The following ZP1 variants were observed in gnomAD, a reference collection of about 807,000 sequenced individuals.
ZP1 encodes zona pellucida glycoprotein 1, also known as zona pellucida sperm-binding protein 1.
Under a neutral mutation model 67.4 loss-of-function variants are expected in ZP1, and 58 were observed. That is an observed-to-expected ratio of 0.86 (90% CI 0.70 to 1.07). The LOEUF is 1.07. Among genes scored for constraint, ZP1 ranks in the 50% least tolerant of loss-of-function variants. The probability of loss-of-function intolerance (pLI) is 0.00; values close to 1 mark genes in which losing one functional copy is unlikely to be tolerated. For synonymous variants in ZP1, 333 were observed against 332.7 expected, an observed-to-expected ratio of 1.00 and a Z score of -0.01; for missense variants, 759 against 807.3, an observed-to-expected ratio of 0.94 and a Z score of 0.72.
At chr11:60,870,763 T>C (rs1855551237) in intron 4 of ZP1, 194 bp from the exon 5 acceptor site, 1 of 718,352 alleles carries the variant, frequency 1.4e-6, no homozygotes, top group South Asian at 1.9e-5. Context: ...ACTTTTAGAG[T>C]GTAGTTCAAC....
chr11:60,870,711 C>A (rs2134828817), intron 4 of ZP1: 1 of 665,654 alleles, frequency 1.5e-6, no homozygotes, highest in Non-Finnish European at 2.5e-6. Flanking sequence ...ACTTTCAGAT[C>A]TGAAACGCCC....
chr11:60,871,392 G>C, intron 6 of ZP1, 78 bp downstream of exon 6: 1 of 1,488,430 alleles, frequency 6.7e-7, no homozygotes, highest in Non-Finnish European at 9.2e-7. Flanking sequence ...TACAGGCTTC[G>C]GAGCCATCTC....
At chr11:60,869,990 A>G (rs1590591467) in intron 3 of ZP1, 90 bp downstream of exon 3, 1 of 1,415,494 alleles carries the variant, frequency 7.1e-7, no homozygotes, top group Admixed American at 2.7e-5. Flanking sequence ...GCTCTAAGCC[A>G]TTTCTTTTTT....
At chr11:60,870,843 G>A (rs1855552754) in intron 4 of ZP1, 114 bp from the exon 5 acceptor site, 2 of 1,193,450 alleles carry the variant, frequency 1.7e-6, no homozygotes, top group South Asian at 1.5e-5. Flanking sequence ...CCTAAGTGGA[G>A]AGTAAGCGTC....
Position 60,870,394 on chromosome 11 carries a change from A to G in ZP1, c.745A>G (p.Arg249Gly), listed in dbSNP as rs780113325. The G allele has an allele frequency of 6.2e-7, 1 of 1,613,412 alleles. No homozygotes were observed. The highest frequency in any genetic ancestry group is 1.7e-5 in the Admixed American group (1 of 59,970). ...ASGHLPCIVR[R>G]TSKEACQQAG... ...AGGGCACCTCCCCTGCATCGTGAGA[A>G]GAACTTCAAAAGAAGCCTGTCAGCA... The change falls in exon 4 of 12, where the codon AGA (arginine) becomes GGA (glycine). Residue 249 changes from arginine to glycine, a missense_variant. Physicochemically the swap from Arg to Gly is moderately radical, Grantham distance 125. Transcript: ENST00000278853.
In ZP1 at chr11:60,867,704, T is replaced by C. The variant is rs759160255; in HGVS notation, c.143T>C (p.Met48Thr). 16 of 1,613,912 alleles carry C rather than the reference T, an allele frequency of 9.9e-6. No homozygotes were observed. The Admixed American group carries it at 1.8e-4, about 19-fold the overall frequency. ...RHSYDCGIKG[M>T]QLLVFPRPGQ... Reference sequence around the variant, plus strand: ...AGCTACGACTGTGGGATCAAGGGAATGCAGCTGCTGGTGTTCCCCAGGCCA... The same window carrying C: ...AGCTACGACTGTGGGATCAAGGGAACGCAGCTGCTGGTGTTCCCCAGGCCA... The change falls in exon 1 of 12, where the codon ATG becomes ACG. Residue 48 changes from methionine (M) to threonine (T), a missense_variant. By Grantham distance (81) the Met-to-Thr change is moderately conservative (BLOSUM62 -1). Coordinates refer to ENST00000278853, the MANE Select transcript of ZP1 (RefSeq NM_207341.4).
intron 6 of ZP1, among the ~76,000 whole-genome samples, chr11:60,872,878 C>T (rs947950002): frequency 6.6e-6 from 1 of 151,974 alleles, no homozygotes; most frequent in African/African-American, 2.4e-5. Context: ...AAGGTGCCAG[C>T]CCCCCGAGGG....
intron 9 of ZP1, 59 bp downstream of exon 9, chr11:60,873,834 G>A (rs904969109): frequency 1.2e-5 from 20 of 1,600,406 alleles, no homozygotes; most frequent in African/African-American, 2.7e-5. Context: ...GGAGCTGGTC[G>A]CCAAATCCCT....
chr11:60,867,777 T>C lies in ZP1; in HGVS notation c.196+20T>C, dbSNP rs527373870. 6 of 1,606,480 alleles carry C rather than the reference T, an allele frequency of 3.7e-6. No homozygotes were observed. In the East Asian group the frequency reaches 1.3e-4, roughly 36 times the overall value. On this transcript the variant is annotated intron_variant, in intron 1 of 11. Coordinates refer to ENST00000278853, the MANE Select transcript of ZP1 (RefSeq NM_207341.4). ...TGGTGGGTGAGTGCTGGCAGAGTCC[T>C]GGCCCCTGCCTCCCTGGCCACGGGC... is the stretch of plus-strand genomic sequence containing the variant.
At chr11:60,869,433 C>T (rs1855524644) in intron 2 of ZP1, 104 bp from the exon 3 acceptor site, 8 of 1,505,846 alleles carry the variant, frequency 5.3e-6, no homozygotes, top group Non-Finnish European at 7.1e-6. Flanking sequence ...ACCATGAATC[C>T]AGCTCCCTGC....
At chr11:60,871,361 CAG>C (rs765433489) in intron 6 of ZP1, 47 bp downstream of exon 6, 2 of 1,594,212 alleles carry the variant, frequency 1.3e-6, no homozygotes, top group Admixed American at 1.7e-5. Flanking sequence ...GCTAGGGTGT[CAG>C]GGGCACAGGC....
Position 60,873,649 on chromosome 11 carries a change from C to T in ZP1, c.1446C>T (p.Gly482=), listed in dbSNP as rs748563292. The change falls in exon 9 of 12, where the codon GGC becomes GGT. Residue 482 remains glycine, a synonymous_variant. Coordinates refer to ENST00000278853, the MANE Select transcript of ZP1 (RefSeq NM_207341.4). ...CTCTTCTCAGATGCCCTTTCAAGGG[C>T]GACAGCTACAGAACCCAAATGGTAG... ...PILSDGCPFK[G]DSYRTQMVAL... is the part of the protein sequence containing the mutation. 13 of 1,614,046 alleles carry T rather than the reference C, an allele frequency of 8.1e-6. No individual in the cohort carries two copies. The highest frequency in any genetic ancestry group is 7.7e-5 in the South Asian group (7 of 91,090).
rs1314586775 is a variant in ZP1 at position 60,873,369 on chromosome 11, C to G, written c.1241-6C>G. The G allele has an allele frequency of 2.5e-6, 4 of 1,598,980 alleles. No individual in the cohort carries two copies. In the African/African-American group the frequency reaches 4.0e-5, roughly 16 times the overall value. ...CGCCCTGGCTCATGAGTCACTCTCC[C>G]TGCAGACGAGACCTTCAGCTCGTAC... On this transcript the variant is annotated splice_region_variant and splice_polypyrimidine_tract_variant and intron_variant, in intron 7 of 11. Coordinates refer to ENST00000278853, the MANE Select transcript of ZP1 (RefSeq NM_207341.4).
intron 6 of ZP1, among the ~76,000 whole-genome samples, chr11:60,871,751 G>A (rs1377829949): frequency 1.3e-5 from 2 of 152,222 alleles, no homozygotes; most frequent in Non-Finnish European, 2.9e-5. Context: ...ACCTCTCTGA[G>A]GATGTGGTGG....
At chr11:60,873,011 G>A (rs1855610982) in intron 6 of ZP1, 151 bp from the exon 7 acceptor site, 7 of 874,380 alleles carry the variant, frequency 8.0e-6, no homozygotes, top group Non-Finnish European at 8.5e-6. Context: ...GCCTGCCTTG[G>A]AAATGCTGAG....
chr11:60,867,649 C>A lies in ZP1; in HGVS notation c.88C>A (p.Pro30Thr). The A allele has an allele frequency of 6.2e-7, 1 of 1,613,938 alleles. No individual in the cohort carries two copies. Among genetic ancestry groups the A allele is most frequent in the Non-Finnish European group, 8.5e-7 (1 of 1,179,912 alleles). The part of the protein sequence containing the change: ...ATLGLGRWLQ[P>T]DPGLPGLRHS... ...CCTGGGGCTGGGTAGGTGGCTCCAGCCCGACCCTGGCCTCCCAGGCCTCCG... is the reference window on the plus strand; with the variant it reads ...CCTGGGGCTGGGTAGGTGGCTCCAGACCGACCCTGGCCTCCCAGGCCTCCG... Residue 30 changes from proline to threonine, a missense_variant, in exon 1 of 12, where the codon CCC becomes ACC. Transcript: ENST00000278853.
Position 60,871,331 on chromosome 11 carries a change from T to A in ZP1, c.1112+17T>A. ...CACCTTCCAGTAAGGGCAGCCCTCC[T>A]CCTACAGGCGTGGCTGTGTGCTAGG... On this transcript the variant is annotated intron_variant, in intron 6 of 11. Transcript: ENST00000278853. 2 of 1,612,502 alleles carry A rather than the reference T, an allele frequency of 1.2e-6. No homozygotes were observed. The highest frequency in any genetic ancestry group is 1.7e-6 in the Non-Finnish European group (2 of 1,179,712).
chr11:60,870,214 G>A (rs1855539936), intron 3 of ZP1, 118 bp from the exon 4 acceptor site: 1 of 1,049,348 alleles, frequency 9.5e-7, no homozygotes, highest in Non-Finnish European at 1.3e-6. Flanking sequence ...TTTTGAGGGA[G>A]GACATTTACT....
chr11:60,869,617 G>A lies in ZP1; in HGVS notation c.399G>A (p.Leu133=). Residue 133 remains leucine, a synonymous_variant, in exon 3 of 12, where the codon CTG becomes CTA. Transcript: ENST00000278853. ...TGGATGTGGCACAAGACGCTACTCTGATCTGTCCCAAACCTGACCCCTCCC... is the reference window on the plus strand; with the variant it reads ...TGGATGTGGCACAAGACGCTACTCTAATCTGTCCCAAACCTGACCCCTCCC... ...GRVDVAQDAT[L]ICPKPDPSRT... 1 of 1,614,126 alleles carries A rather than the reference G, an allele frequency of 6.2e-7. No homozygotes were observed.
Sources: gnomAD v4.1 joint callset for allele counts (sites outside exome capture counted in the v4.1 genomes callset) on GRCh38, gnomAD v4.1.1 for gene constraint, MANE v1.5 for transcripts, NCBI Gene and HGNC (gene_info 2026-07-23, HGNC 2026-07-21) for gene names.